The following GRIK2 variants were observed in gnomAD, a reference collection of about 807,000 sequenced individuals.
GRIK2 encodes glutamate ionotropic receptor kainate type subunit 2.
A neutral mutation model predicts 100.3 loss-of-function variants in GRIK2; 32 were observed. The ratio of observed to expected loss-of-function variants is 0.32; its 90% confidence interval spans 0.24 to 0.43. The LOEUF (loss-of-function observed/expected upper bound fraction) is 0.43, where lower values mean the gene tolerates loss of function less well. Ranked by LOEUF, GRIK2 falls within the 20% of genes least tolerant of loss-of-function variation. The pLI, the probability that GRIK2 is intolerant of heterozygous loss-of-function variation, is 1.00. For synonymous variants in GRIK2, 417 were observed against 389.4 expected, an observed-to-expected ratio of 1.07 and a Z score of -0.83; for missense variants, 843 against 1,114.9, an observed-to-expected ratio of 0.76 and a Z score of 3.47.
intron 4 of GRIK2, among the ~76,000 whole-genome samples, chr6:101,674,951 A>G (rs953223891): frequency 6.6e-6 from 1 of 151,426 alleles, no homozygotes; most frequent in Admixed American, 6.6e-5. Context: ...GTTTTGACAT[A>G]TGTATATATG....
intron 4 of GRIK2, among the ~76,000 whole-genome samples, chr6:101,653,468 C>A (rs1193235879): frequency 6.6e-6 from 1 of 151,990 alleles, no homozygotes; most frequent in Non-Finnish European, 1.5e-5. Context: ...GCAAAGTGAA[C>A]TATTTGCAGT....
chr6:101,518,254 A>AT (rs1418555191), intron 2 of GRIK2, among the ~76,000 whole-genome samples: 2 of 152,180 alleles, frequency 1.3e-5, no homozygotes, highest in African/African-American at 4.8e-5. Context: ...CTGTTAATGT[A>AT]TTATAGCATT....
At chr6:101,897,626 A>G (rs985320393) in intron 12 of GRIK2, among the ~76,000 whole-genome samples, 1 of 151,890 alleles carries the variant, frequency 6.6e-6, no homozygotes, top group African/African-American at 2.4e-5. Flanking sequence ...ATTTTAATCC[A>G]CAATGTCTAG....
At chr6:102,000,455 T>C (rs2114256948) in intron 14 of GRIK2, among the ~76,000 whole-genome samples, 1 of 152,056 alleles carries the variant, frequency 6.6e-6, no homozygotes, top group African/African-American at 2.4e-5. Context: ...ACAGTGCCTA[T>C]TGTTCCCATA....
chr6:101,975,839 C>CTATCTATCTATCTA (rs1269650216), intron 14 of GRIK2, among the ~76,000 whole-genome samples: 18 of 151,954 alleles, frequency 1.2e-4, no homozygotes, highest in African/African-American at 4.3e-4. Flanking sequence ...ATCTATCTAT[C>CTATCTATCTATCTA]TATCTATCCC....
intron 14 of GRIK2, among the ~76,000 whole-genome samples, chr6:101,947,093 G>C (rs556207161): frequency 4.8e-4 from 73 of 152,282 alleles, no homozygotes; most frequent in South Asian, 1.2e-3. Context: ...TCAAAGGTGT[G>C]CTCTGAGAAA....
At chr6:101,793,254 A>G (rs1377808336) in intron 7 of GRIK2, among the ~76,000 whole-genome samples, 6 of 152,162 alleles carry the variant, frequency 3.9e-5, no homozygotes, top group Non-Finnish European at 2.9e-5. Flanking sequence ...CTGGTGAGGA[A>G]CTGCGTTCCT....
chr6:102,053,129 A>G (rs1297358881), intron 15 of GRIK2, among the ~76,000 whole-genome samples: 2 of 147,708 alleles, frequency 1.4e-5, no homozygotes, highest in African/African-American at 5.0e-5. Flanking sequence ...TACACACACA[A>G]AGAAAAGAAA....
chr6:101,753,138 C>G (rs1776894265), intron 7 of GRIK2, among the ~76,000 whole-genome samples: 1 of 151,856 alleles, frequency 6.6e-6, no homozygotes, highest in Admixed American at 6.6e-5. Context: ...AAAAATTAGC[C>G]TGGCGTGGTG....
chr6:101,586,734 TA>T, intron 2 of GRIK2, among the ~76,000 whole-genome samples: 3 of 149,480 alleles, frequency 2.0e-5, no homozygotes, highest in Non-Finnish European at 4.5e-5. Context: ...AAAAACAAAT[TA>T]AAAAATTAGC....
At chr6:101,950,300 C>T (rs1791530219) in intron 14 of GRIK2, among the ~76,000 whole-genome samples, 1 of 152,008 alleles carries the variant, frequency 6.6e-6, no homozygotes, top group Admixed American at 6.6e-5. Flanking sequence ...ATTTTTATAG[C>T]TTTATGTTTA....
At chr6:101,915,660 T>A (rs570202031) in intron 12 of GRIK2, among the ~76,000 whole-genome samples, 1 of 151,448 alleles carries the variant, frequency 6.6e-6, no homozygotes, top group South Asian at 2.1e-4. Flanking sequence ...AATCCTTGAG[T>A]TTCATATGGA....
At position 101,399,007 on chromosome 6, in the gene GRIK2, G is replaced by A. The variant is rs1299520324; in HGVS notation, c.-271G>A. On this transcript the variant is annotated 5_prime_UTR_variant, in exon 2 of 17. Coordinates refer to ENST00000369134, the MANE Select transcript of GRIK2 (RefSeq NM_021956.5). ...CAGGCTCGCGCGGCCGGACATTGTG[G>A]GTGTGCGTGCTGGATTTCTCCCGGA... 4 of 433,442 alleles carry A rather than the reference G, an allele frequency of 9.2e-6. No individual in the cohort carries two copies. The allele number at this position is 433,442 out of a possible 1,614,324, so 26.8% of individuals were successfully genotyped here.
intron 2 of GRIK2, among the ~76,000 whole-genome samples, chr6:101,501,659 A>T: frequency 6.6e-6 from 1 of 152,212 alleles, no homozygotes; most frequent in African/African-American, 2.4e-5. Flanking sequence ...TTAAAGTAAC[A>T]GGATCTGTAG....
At chr6:101,588,750 T>C (rs952177989) in intron 2 of GRIK2, among the ~76,000 whole-genome samples, 6 of 151,934 alleles carry the variant, frequency 3.9e-5, no homozygotes, top group African/African-American at 1.4e-4. Context: ...TGAAAGATCA[T>C]TCTAAACATG....
chr6:101,760,094 C>G (rs954744104), intron 7 of GRIK2, among the ~76,000 whole-genome samples: 3 of 144,256 alleles, frequency 2.1e-5, no homozygotes, highest in African/African-American at 8.1e-5. Context: ...TGGTCTCGAT[C>G]TCCTGACCTC....
intron 9 of GRIK2, among the ~76,000 whole-genome samples, chr6:101,810,835 C>A (rs1781281060): frequency 6.6e-6 from 1 of 151,876 alleles, no homozygotes; most frequent in African/African-American, 2.4e-5. Flanking sequence ...AGTGAGAAAA[C>A]TAATCTGTTG....
intron 12 of GRIK2, among the ~76,000 whole-genome samples, chr6:101,909,433 T>C (rs1788503661): frequency 7.0e-6 from 1 of 142,632 alleles, no homozygotes; most frequent in African/African-American, 2.7e-5. Flanking sequence ...AAGTGTCTAC[T>C]GCTATAAGAA....
chr6:101,699,293 C>T (rs1350825306), intron 7 of GRIK2, among the ~76,000 whole-genome samples: 1 of 152,118 alleles, frequency 6.6e-6, no homozygotes, highest in Non-Finnish European at 1.5e-5. Flanking sequence ...CACATCCTGT[C>T]TGGTCACTCA....
Sources: allele counts gnomAD v4.1 joint callset (sites outside exome capture counted in the v4.1 genomes callset), GRCh38; gene constraint gnomAD v4.1.1; transcripts MANE v1.5; gene names NCBI Gene and HGNC (gene_info 2026-07-23, HGNC 2026-07-21).